The following BTBD18 variants were observed in gnomAD, a reference collection of about 807,000 sequenced individuals.
BTBD18 encodes the protein BTB domain containing 18.
For missense variants in BTBD18, 787 were observed against 846.3 expected (o/e 0.93, Z 0.87); for synonymous variants, 311 against 324.4 (o/e 0.96, Z 0.44).
At chr11:57,749,970 C>T (rs1949273535) in intron 2 of BTBD18, among the ~76,000 whole-genome samples, 1 of 152,078 alleles carries the variant, frequency 6.6e-6, no homozygotes, top group Admixed American at 6.6e-5. Context: ...CATTATATAT[C>T]AGGGTCTACT....
At chr11:57,746,683 T>G (rs1275794689) in intron 2 of BTBD18, among the ~76,000 whole-genome samples, 2 of 151,794 alleles carry the variant, frequency 1.3e-5, no homozygotes, top group Non-Finnish European at 2.9e-5. Flanking sequence ...TCAGAAAGCC[T>G]CCTGGGGCTG....
At position 57,746,073 on chromosome 11, in the gene BTBD18, C is replaced by A; in HGVS notation, c.200G>T (p.Arg67Met). The A allele has an allele frequency of 6.4e-7, 1 of 1,551,600 alleles. No individual in the cohort carries two copies. The highest frequency in any genetic ancestry group is 8.7e-7 in the Non-Finnish European group (1 of 1,146,930). The change falls in exon 3 of 3, where the codon AGG (arginine) becomes ATG (methionine). Residue 67 changes from arginine (R) to methionine (M), a missense_variant. Physicochemically the swap from Arg to Met is moderately conservative, Grantham distance 91. Coordinates refer to ENST00000422652, the MANE Select transcript of BTBD18 (RefSeq NM_001145101.3). ...CACCACCTTCCCACCCTGAGCTGGCCTCTCCCGCTCCAGGCGCTCTGTGAA... is the reference window on the plus strand; with the variant it reads ...CACCACCTTCCCACCCTGAGCTGGCATCTCCCGCTCCAGGCGCTCTGTGAA... ...PFFTERLERE[R>M]PAQGGKVVLE...
chr11:57,748,538 G>A (rs1054080391), intron 2 of BTBD18, among the ~76,000 whole-genome samples: 2 of 146,118 alleles, frequency 1.4e-5, no homozygotes, highest in Admixed American at 7.1e-5. Context: ...AAAACAGTGA[G>A]ACCTTGTCTC....
chr11:57,752,737 T>C (rs929562374), upstream of BTBD18, among the ~76,000 whole-genome samples: 3 of 152,156 alleles, frequency 2.0e-5, no homozygotes, highest in African/African-American at 7.2e-5. Flanking sequence ...ATGTTCAGCG[T>C]TGAGTCAGGA....
intron 2 of BTBD18, among the ~76,000 whole-genome samples, chr11:57,748,962 G>A (rs1296842099): frequency 2.6e-5 from 4 of 151,954 alleles, no homozygotes; most frequent in East Asian, 1.9e-4. Flanking sequence ...TAATAATAAC[G>A]AACAAACCCG....
At position 57,745,415 on chromosome 11, in the gene BTBD18, A is replaced by G. The variant is rs1949170579; in HGVS notation, c.858T>C (p.Ser286=). The change falls in exon 3 of 3, where the codon TCT becomes TCC. Residue 286 remains serine, a synonymous_variant. Coordinates refer to ENST00000422652, the MANE Select transcript of BTBD18 (RefSeq NM_001145101.3). ...GGCCAGGGGTTGCAGGCACTGAGCTAGATCCACTTAAAATGCTGGAAGGCT... is the reference window on the plus strand; with the variant it reads ...GGCCAGGGGTTGCAGGCACTGAGCTGGATCCACTTAAAATGCTGGAAGGCT... ...TSKPSSILSG[S]SSVPATPGRR... 2 of 1,551,604 alleles carry G rather than the reference A, an allele frequency of 1.3e-6. No homozygotes were observed. Among genetic ancestry groups the G allele is most frequent in the South Asian group, 1.2e-5 (1 of 84,068 alleles).
chr11:57,750,338 T>C (rs969188307), intron 2 of BTBD18, among the ~76,000 whole-genome samples: 20 of 150,818 alleles, frequency 1.3e-4, no homozygotes, highest in African/African-American at 4.9e-4. Flanking sequence ...GACCGTGCCA[T>C]TGCACTCCAG....
At chr11:57,750,830 A>G (rs1161125234) in intron 2 of BTBD18, among the ~76,000 whole-genome samples, 1 of 152,270 alleles carries the variant, frequency 6.6e-6, no homozygotes, top group Admixed American at 6.5e-5. Context: ...TATAGAATGT[A>G]TCTGCTTATA....
Position 57,745,665 on chromosome 11 carries a change from C to G in BTBD18, c.608G>C (p.Gly203Ala). The G allele has an allele frequency of 1.9e-6, 3 of 1,551,600 alleles. No individual in the cohort carries two copies. The highest frequency in any genetic ancestry group is 2.6e-6 in the Non-Finnish European group (3 of 1,146,960). ...NNRQNADNLS[G>A]TLLLKRKARA... ...GGCCTTCCTCTTGAGCAGAAGAGTG[C>G]CAGACAAATTGTCTGCATTCTGTCG... Residue 203 changes from glycine to alanine, a missense_variant, in exon 3 of 3, where the codon GGC (glycine) becomes GCC (alanine). Physicochemically the swap from Gly to Ala is moderately conservative, Grantham distance 60. Transcript: ENST00000422652.
intron 2 of BTBD18, among the ~76,000 whole-genome samples, chr11:57,748,775 C>A (rs1055413403): frequency 6.6e-6 from 1 of 152,106 alleles, no homozygotes; most frequent in African/African-American, 2.4e-5. Context: ...TGTTTCTAAA[C>A]AACAAGCTGA....
intron 2 of BTBD18, 56 bp downstream of exon 2, chr11:57,751,009 C>T: frequency 7.0e-7 from 1 of 1,429,956 alleles, no homozygotes; most frequent in Admixed American, 3.0e-5. Flanking sequence ...TGGCTCTGAA[C>T]TCATTTTATC....
Position 57,745,879 on chromosome 11 carries a change from T to A in BTBD18, c.394A>T (p.Lys132Ter). The change falls in exon 3 of 3, where the codon AAG becomes TAG. Residue 132 changes from lysine to a stop codon, truncating the protein, a stop_gained. Transcript: ENST00000422652. LOFTEE classifies it low-confidence loss of function (END_TRUNC). ...TTCAGCCTTCGGCCCTGTGGGGCCT[T>A]CACCAACTTTCCACCCTCAAGCTGA... Reference protein sequence around the residue: ...SLQLEGGKLVKAPQGRRLNRE... With the variant: ...SLQLEGGKLV The A allele has an allele frequency of 6.4e-7, 1 of 1,551,656 alleles. No homozygotes were observed. The highest frequency in any genetic ancestry group is 8.7e-7 in the Non-Finnish European group (1 of 1,146,978).
chr11:57,751,465 T>C (rs1326747126), intron 1 of BTBD18, 76 bp downstream of exon 1: 1 of 254,842 alleles, frequency 3.9e-6, no homozygotes, highest in Non-Finnish European at 7.4e-6. Flanking sequence ...TTAGCCTGGC[T>C]GTATAATCTC....
At position 57,744,748 on chromosome 11, in the gene BTBD18, G is replaced by T. The variant is rs2135688285; in HGVS notation, c.1525C>A (p.Pro509Thr). ...DFMLCGSDIE[P>T]PIGSLESPGA... ...GGACTCTCCAGAGACCCTATAGGTG[G>T]TTCAATGTCTGAGCCACAGAGCATG... The change falls in exon 3 of 3, where the codon CCA becomes ACA. Residue 509 changes from proline (P) to threonine (T), a missense_variant. Coordinates refer to ENST00000422652, the MANE Select transcript of BTBD18 (RefSeq NM_001145101.3). 1.9e-6 allele frequency: 3 copies of T among 1,551,714 alleles called. No homozygotes were observed. The highest frequency in any genetic ancestry group is 2.6e-6 in the Non-Finnish European group (3 of 1,147,000).
rs918247716 is a variant in BTBD18, at chr11:57,746,091, T to C, written c.182A>G (p.Glu61Gly). 1 of 1,551,446 alleles carries C rather than the reference T, an allele frequency of 6.4e-7. No homozygotes were observed. Among genetic ancestry groups the C allele is most frequent in the Non-Finnish European group, 8.7e-7 (1 of 1,146,914 alleles). The change falls in exon 3 of 3, where the codon GAG (glutamate) becomes GGG (glycine). Residue 61 changes from glutamate (E) to glycine (G), a missense_variant. Transcript: ENST00000422652. ...AGCTGGCCTCTCCCGCTCCAGGCGC[T>C]CTGTGAAGAAGGGGCTACAAGCTGA... is the stretch of plus-strand genomic sequence containing the variant. ...ILSACSPFFT[E>G]RLERERPAQG...
chr11:57,746,207 C>T (rs1013823660), intron 2 of BTBD18, 59 bp from the exon 3 acceptor site: 75 of 1,342,112 alleles, frequency 5.6e-5, no homozygotes, highest in Middle Eastern at 1.9e-4. Context: ...ATGGGCTAAG[C>T]ATAGACATTA....
intron 2 of BTBD18, among the ~76,000 whole-genome samples, 192 bp downstream of exon 2, chr11:57,750,869 GAGAA>G (rs1203746203): frequency 6.6e-6 from 1 of 152,166 alleles, no homozygotes; most frequent in Non-Finnish European, 1.5e-5. Flanking sequence ...CATTATTTAA[GAGAA>G]AGAAGCAAAG....
chr11:57,752,959 G>A (rs1013630152), upstream of BTBD18, among the ~76,000 whole-genome samples: 1 of 152,248 alleles, frequency 6.6e-6, no homozygotes, highest in Non-Finnish European at 1.5e-5. Flanking sequence ...GGATCCGGGA[G>A]GCCCAAAGTC....
At chr11:57,750,240 G>A (rs1463355995) in intron 2 of BTBD18, among the ~76,000 whole-genome samples, 1 of 152,056 alleles carries the variant, frequency 6.6e-6, no homozygotes, top group Non-Finnish European at 1.5e-5. Context: ...TTCCGGGTGT[G>A]GTGGCACGCA....
Sources: gnomAD v4.1 joint callset for allele counts (sites outside exome capture counted in the v4.1 genomes callset) on GRCh38, gnomAD v4.1.1 for gene constraint, MANE v1.5 for transcripts, NCBI Gene and HGNC (gene_info 2026-07-23, HGNC 2026-07-21) for gene names.